PRKG2: variants seen among roughly 807,000 people sequenced by gnomAD.
PRKG2 encodes protein kinase cGMP-dependent 2, also known as cGMP-dependent protein kinase 2.
A neutral mutation model predicts 97.2 loss-of-function variants in PRKG2; 33 were observed. That is an observed-to-expected ratio of 0.34 (90% CI 0.26 to 0.45). PRKG2 has a LOEUF of 0.45. PRKG2 is among the 20% of genes least tolerant of loss of function. The probability of loss-of-function intolerance (pLI) is 1.00; values close to 1 mark genes in which losing one functional copy is unlikely to be tolerated. For missense variants in PRKG2, 638 were observed against 900.0 expected, an observed-to-expected ratio of 0.71 and a Z score of 3.73; for synonymous variants, 330 against 321.8, an observed-to-expected ratio of 1.03 and a Z score of -0.27.
chr4:81,104,664 T>C (rs1344953199), intron 16 of PRKG2, among the ~76,000 whole-genome samples: 1 of 151,252 alleles, frequency 6.6e-6, no homozygotes, highest in African/African-American at 2.4e-5. Flanking sequence ...TCGGAGTGTA[T>C]ATATATATAT....
chr4:81,202,729 T>C (rs1753393151), intron 2 of PRKG2, among the ~76,000 whole-genome samples: 1 of 114,610 alleles, frequency 8.7e-6, no homozygotes, highest in African/African-American at 6.9e-5. Flanking sequence ...ATATAACTAC[T>C]GATTTTTTTT....
At chr4:81,183,093 C>T (rs1312921007) in intron 2 of PRKG2, among the ~76,000 whole-genome samples, 1 of 151,942 alleles carries the variant, frequency 6.6e-6, no homozygotes, top group Non-Finnish European at 1.5e-5. Context: ...ATAAAAATTA[C>T]AACACTTAAA....
In PRKG2 at chr4:81,089,729, T is replaced by C. The variant is rs887535826; in HGVS notation, c.2268A>G (p.Ser756=). The C allele has an allele frequency of 6.2e-7, 1 of 1,612,168 alleles. No individual in the cohort carries two copies. The highest frequency in any genetic ancestry group is 8.5e-7 in the Non-Finnish European group (1 of 1,178,256). The change falls in exon 19 of 19, where the codon TCA becomes TCG. Residue 756 remains serine (S), a synonymous_variant. Coordinates refer to ENST00000264399, the MANE Select transcript of PRKG2 (RefSeq NM_006259.3). ...TCTGTCAGAAGTCTTTATCCCAGCCTGATAGCTCATCTGGAGGCATTCCCT... is the reference window on the plus strand; with the variant it reads ...TCTGTCAGAAGTCTTTATCCCAGCCCGATAGCTCATCTGGAGGCATTCCCT... ...PEKGMPPDEL[S]GWDKDF
chr4:81,126,053 G>T (rs533116431), intron 14 of PRKG2, among the ~76,000 whole-genome samples: 1 of 152,030 alleles, frequency 6.6e-6, no homozygotes, highest in East Asian at 1.9e-4. Flanking sequence ...AACAGGCCCC[G>T]GTGTGTGATG....
At chr4:81,169,556 T>C in intron 5 of PRKG2, 107 bp downstream of exon 5, 1 of 808,544 alleles carries the variant, frequency 1.2e-6, no homozygotes, top group Non-Finnish European at 2.0e-6. Flanking sequence ...ATGTGGAAAA[T>C]GCTTAAATGG....
Position 81,178,028 on chromosome 4 carries a change from C to T in PRKG2, c.462-3069G>A, listed in dbSNP as rs535105878. Among the ~76,000 whole-genome samples, 18 of 148,420 alleles carry T rather than the reference C, an allele frequency of 1.2e-4. 1 individual carries two copies. In the South Asian group the frequency reaches 3.9e-3, roughly 32 times the overall value. ...GGGATGATAGGATGCTTAGTTCTTA[C>T]TCCTAGGCTGCAGCCCTTCAGGTGT... is the stretch of plus-strand genomic sequence containing the variant. On this transcript the variant is annotated intron_variant, in intron 2 of 18. Coordinates refer to ENST00000264399, the MANE Select transcript of PRKG2 (RefSeq NM_006259.3).
At chr4:81,196,929 C>T (rs1208154134) in intron 2 of PRKG2, among the ~76,000 whole-genome samples, 1 of 152,146 alleles carries the variant, frequency 6.6e-6, no homozygotes, top group Non-Finnish European at 1.5e-5. Flanking sequence ...AAGAAATGTA[C>T]CTTTCACAAA....
At chr4:81,150,289 G>C (rs1748255754) in intron 8 of PRKG2, among the ~76,000 whole-genome samples, 1 of 152,104 alleles carries the variant, frequency 6.6e-6, no homozygotes, top group Non-Finnish European at 1.5e-5. Flanking sequence ...CATTTTACAA[G>C]TATTAGATGT....
At chr4:81,185,234 C>T (rs1230736246) in intron 2 of PRKG2, among the ~76,000 whole-genome samples, 1 of 152,112 alleles carries the variant, frequency 6.6e-6, no homozygotes, top group Non-Finnish European at 1.5e-5. Context: ...AGAGAAAGGT[C>T]GGGTTACTCA....
At chr4:81,138,227 G>A (rs111698091) in intron 12 of PRKG2, among the ~76,000 whole-genome samples, 2 of 152,128 alleles carry the variant, frequency 1.3e-5, no homozygotes, top group African/African-American at 4.8e-5. Context: ...TGGGGGAATG[G>A]GGGCCTCAGT....
At chr4:81,129,345 A>G (rs1324685254) in intron 14 of PRKG2, among the ~76,000 whole-genome samples, 1 of 152,026 alleles carries the variant, frequency 6.6e-6, no homozygotes, top group Non-Finnish European at 1.5e-5. Context: ...CAGAGCTGAC[A>G]GCAATTCCTG....
intron 3 of PRKG2, among the ~76,000 whole-genome samples, chr4:81,174,482 A>G (rs1039209137): frequency 6.6e-6 from 1 of 152,038 alleles, no homozygotes; most frequent in African/African-American, 2.4e-5. Flanking sequence ...TCTCTGAGAC[A>G]TAGTCCATGT....
chr4:81,152,600 C>A (rs900320720), intron 7 of PRKG2, among the ~76,000 whole-genome samples: 2 of 152,134 alleles, frequency 1.3e-5, no homozygotes, highest in Admixed American at 6.5e-5. Context: ...AAGAACCCCC[C>A]ACCCAGCAGG....
chr4:81,211,963 G>A (rs1190063948), intron 1 of PRKG2, among the ~76,000 whole-genome samples: 3 of 149,042 alleles, frequency 2.0e-5, no homozygotes, highest in African/African-American at 7.3e-5. Flanking sequence ...TACATTTGAT[G>A]TTACCATTAG....
intron 6 of PRKG2, among the ~76,000 whole-genome samples, chr4:81,164,450 G>GA (rs34350550): frequency 2.0e-4 from 30 of 147,142 alleles, no homozygotes; most frequent in South Asian, 6.4e-4. Context: ...AGGATGACAG[G>GA]AAAAAAAAAA....
At chr4:81,167,372 C>T in intron 5 of PRKG2, 148 bp from the exon 6 acceptor site, 3 of 504,104 alleles carry the variant, frequency 6.0e-6, no homozygotes, top group African/African-American at 2.0e-5. Flanking sequence ...ACTGAAAACA[C>T]ATCAATAACT....
At chr4:81,170,086 C>G (rs1298303760) in intron 4 of PRKG2, among the ~76,000 whole-genome samples, 1 of 152,000 alleles carries the variant, frequency 6.6e-6, no homozygotes. Context: ...CTCTAGATTT[C>G]TGCTGTAATA....
At chr4:81,210,769 TG>T (rs1753929405) in intron 1 of PRKG2, among the ~76,000 whole-genome samples, 1 of 152,202 alleles carries the variant, frequency 6.6e-6, no homozygotes, top group African/African-American at 2.4e-5. Context: ...ATGGCAGCTT[TG>T]TTTATAATTC....
chr4:81,092,351 A>G (rs1323137482), intron 18 of PRKG2, 35 bp downstream of exon 18: 2 of 1,403,912 alleles, frequency 1.4e-6, no homozygotes, highest in African/African-American at 2.9e-5. Flanking sequence ...AATCCCTGGG[A>G]AAAAAATAAA....
Sources: allele counts gnomAD v4.1 joint callset (sites outside exome capture counted in the v4.1 genomes callset), GRCh38; gene constraint gnomAD v4.1.1; transcripts MANE v1.5; gene names NCBI Gene and HGNC (gene_info 2026-07-23, HGNC 2026-07-21).